Variants in CLCA2 observed in about 807,000 individuals in gnomAD.
CLCA2 encodes the protein calcium-activated chloride channel regulator 2.
CLCA2 carries 85 observed loss-of-function variants against 82.9 expected under a neutral mutation model. That is an observed-to-expected ratio of 1.03 (90% CI 0.86 to 1.23). CLCA2 has a LOEUF of 1.23. Ranked by LOEUF, CLCA2 falls within the 50% of genes most tolerant of loss-of-function variation. CLCA2 has a pLI of 0.00. For synonymous variants in CLCA2, 421 were observed against 391.7 expected, an observed-to-expected ratio of 1.07 and a Z score of -0.88; for missense variants, 1,089 against 1,124.8, an observed-to-expected ratio of 0.97 and a Z score of 0.45.
intron 10 of CLCA2, among the ~76,000 whole-genome samples, chr1:86,444,888 G>GTTGTTT (rs1360833349): frequency 6.6e-6 from 1 of 151,484 alleles, no homozygotes; most frequent in Non-Finnish European, 1.5e-5. Flanking sequence ...TTTTGTTGTT[G>GTTGTTT]TTGTTGTTGT....
chr1:86,445,776 T>TA (rs915071539), intron 10 of CLCA2, among the ~76,000 whole-genome samples: 3 of 152,078 alleles, frequency 2.0e-5, no homozygotes, highest in Admixed American at 6.5e-5. Context: ...TTTTAATTTA[T>TA]AAAAAAATGA....
rs768220234 is a variant in CLCA2, at chr1:86,453,603, G to T, written c.2389+1G>T. 3 of 1,612,640 alleles carry T rather than the reference G, an allele frequency of 1.9e-6. No homozygotes were observed. The highest frequency in any genetic ancestry group is 3.3e-5 in the Admixed American group (2 of 59,996). On this transcript the variant is annotated splice_donor_variant, in intron 13 of 13. Coordinates refer to ENST00000370565, the MANE Select transcript of CLCA2 (RefSeq NM_006536.7). LOFTEE classifies it high-confidence loss of function. ...GGAGAAGACTTTGATCAGGGCCAGGGTAGGTTTGCTCATTTCATTACCTAT... is the reference window on the plus strand; with the variant it reads ...GGAGAAGACTTTGATCAGGGCCAGGTTAGGTTTGCTCATTTCATTACCTAT...
intron 10 of CLCA2, among the ~76,000 whole-genome samples, chr1:86,446,679 A>C (rs986776822): frequency 6.6e-6 from 1 of 152,036 alleles, no homozygotes; most frequent in Non-Finnish European, 1.5e-5. Context: ...TTACGCTTCA[A>C]CCCCTTGCTT....
At chr1:86,439,315 T>C (rs915970927) in intron 7 of CLCA2, among the ~76,000 whole-genome samples, 5 of 152,228 alleles carry the variant, frequency 3.3e-5, no homozygotes, top group Non-Finnish European at 7.3e-5. Context: ...TAGCATACAA[T>C]AGTTGCTTAA....
chr1:86,440,189 GAT>G lies in CLCA2; in HGVS notation c.1248_1249del (p.Leu417SerfsTer6). ...LNGKAYGSVM[I>X]LVTSGDDKLL... Reference sequence around the variant, plus strand: ...ATGGAAAAGCTTATGGCTCTGTGATGATATTAGTGACCAGCGGAGATGATAAG... The same window carrying G: ...ATGGAAAAGCTTATGGCTCTGTGATGATTAGTGACCAGCGGAGATGATAAG... On this transcript the variant is annotated frameshift_variant, in exon 8 of 14. Transcript: ENST00000370565. LOFTEE classifies it high-confidence loss of function. 3 of 1,614,136 alleles carry G rather than the reference GAT, an allele frequency of 1.9e-6. No individual in the cohort carries two copies. Among genetic ancestry groups the G allele is most frequent in the Non-Finnish European group, 2.5e-6 (3 of 1,179,988 alleles).
At position 86,443,892 on chromosome 1, in the gene CLCA2, G is replaced by A. The variant is rs767287416; in HGVS notation, c.1594G>A (p.Ala532Thr). ...NDTMFLVTWQASGPPEIILFD... is the reference protein window; with the variant it reads ...NDTMFLVTWQTSGPPEIILFD... ...CACTATGTTTCTAGTTACGTGGCAG[G>A]CCAGTGGTCCTCCTGAGATTATATT... The change falls in exon 10 of 14, where the codon GCC (alanine) becomes ACC (threonine). Residue 532 changes from alanine (A) to threonine (T), a missense_variant. Coordinates refer to ENST00000370565, the MANE Select transcript of CLCA2 (RefSeq NM_006536.7). 1 of 1,613,632 alleles carries A rather than the reference G, an allele frequency of 6.2e-7. No homozygotes were observed. The highest frequency in any genetic ancestry group is 1.7e-5 in the Admixed American group (1 of 60,026).
chr1:86,433,382 C>T (rs1346905685), intron 5 of CLCA2, among the ~76,000 whole-genome samples: 1 of 152,178 alleles, frequency 6.6e-6, no homozygotes, highest in Admixed American at 6.5e-5. Flanking sequence ...CTGACCAATG[C>T]CCCTTGGATT....
intron 7 of CLCA2, 116 bp downstream of exon 7, chr1:86,439,222 C>A: frequency 1.2e-6 from 1 of 822,570 alleles, no homozygotes; most frequent in Non-Finnish European, 2.0e-6. Context: ...ACAGCCTCAA[C>A]TATGAAAGTA....
intron 2 of CLCA2, among the ~76,000 whole-genome samples, chr1:86,427,017 C>A (rs1042442492): frequency 1.8e-4 from 27 of 152,120 alleles, no homozygotes; most frequent in African/African-American, 6.5e-4. Context: ...AATTCTTTAA[C>A]CTCAGAATGT....
chr1:86,439,810 G>A (rs902509911), intron 7 of CLCA2, among the ~76,000 whole-genome samples: 3 of 151,970 alleles, frequency 2.0e-5, no homozygotes, highest in Non-Finnish European at 2.9e-5. Context: ...TGATTCTAAC[G>A]TGTAGCCAAG....
chr1:86,430,851 T>C lies in CLCA2; in HGVS notation c.476-11T>C. On this transcript the variant is annotated splice_polypyrimidine_tract_variant and intron_variant, in intron 3 of 13. Transcript: ENST00000370565. ...TTAGAAGCTCAAAAGCAAAAGTTCT[T>C]TCTTCCGCAGGCCGAGTGTTTGTCC... 5 of 1,610,094 alleles carry C rather than the reference T, an allele frequency of 3.1e-6. No individual in the cohort carries two copies. The highest frequency in any genetic ancestry group is 4.2e-6 in the Non-Finnish European group (5 of 1,177,798).
intron 10 of CLCA2, 60 bp downstream of exon 10, chr1:86,444,071 G>A: frequency 9.1e-7 from 1 of 1,101,964 alleles, no homozygotes; most frequent in Admixed American, 1.9e-5. Context: ...ATTTTCAGCT[G>A]AATCACATGA....
intron 8 of CLCA2, among the ~76,000 whole-genome samples, chr1:86,440,729 C>T (rs1662712899): frequency 6.6e-6 from 1 of 151,962 alleles, no homozygotes. Flanking sequence ...GGTAAAACCC[C>T]ACTTCTACTA....
At chr1:86,450,370 AGGTAAGAAATTACAG>A (rs1475450679) in intron 11 of CLCA2, among the ~76,000 whole-genome samples, 178 bp from the exon 12 acceptor site, 1 of 152,192 alleles carries the variant, frequency 6.6e-6, no homozygotes, top group African/African-American at 2.4e-5. Flanking sequence ...CATTTTACTG[AGGTAAGAAATTACAG>A]GGAGAAATTA....
Position 86,434,636 on chromosome 1 carries a change from G to A in CLCA2, c.863G>A (p.Ser288Asn). 6.2e-7 allele frequency: 1 copy of A among 1,614,038 alleles called. No individual in the cohort carries two copies. The highest frequency in any genetic ancestry group is 8.5e-7 in the Non-Finnish European group (1 of 1,179,950). The change falls in exon 6 of 14, where the codon AGC becomes AAC. Residue 288 changes from serine to asparagine, a missense_variant. Coordinates refer to ENST00000370565, the MANE Select transcript of CLCA2 (RefSeq NM_006536.7). ...ACAGACTCTGCTGACTTTCACCACA[G>A]CTTTCCCATGAATGGGACTGAGCTT... is the stretch of plus-strand genomic sequence containing the variant. ...VITDSADFHH[S>N]FPMNGTELPP...
Position 86,450,609 on chromosome 1 carries a change from C to G in CLCA2, c.2031C>G (p.Phe677Leu). The G allele has an allele frequency of 6.2e-7, 1 of 1,612,404 alleles. No individual in the cohort carries two copies. The highest frequency in any genetic ancestry group is 8.5e-7 in the Non-Finnish European group (1 of 1,179,162). Residue 677 changes from phenylalanine to leucine, a missense_variant, in exon 12 of 14, where the codon TTC becomes TTG. Phe to Leu is a conservative substitution (Grantham distance 22). Coordinates refer to ENST00000370565, the MANE Select transcript of CLCA2 (RefSeq NM_006536.7). ...ATGGAATTTACTCGAGGTATTTTTT[C>G]TCCTTTGCTGCAAATGGTAGATATA... The part of the protein sequence containing the change: ...KNDGIYSRYF[F>L]SFAANGRYSL...
intron 8 of CLCA2, 99 bp downstream of exon 8, chr1:86,440,424 A>G (rs1662704337): frequency 8.9e-7 from 1 of 1,127,770 alleles, no homozygotes; most frequent in Non-Finnish European, 1.2e-6. Flanking sequence ...AATTGAAAAT[A>G]CAGAAATTGT....
intron 11 of CLCA2, chr1:86,448,027 C>A: frequency 2.0e-6 from 1 of 499,156 alleles, no homozygotes; most frequent in Non-Finnish European, 3.6e-6. Flanking sequence ...AGCCGCTGGA[C>A]ACCTTGGTCC....
At chr1:86,440,095 A>G in intron 7 of CLCA2, 53 bp from the exon 8 acceptor site, 2 of 1,567,634 alleles carry the variant, frequency 1.3e-6, no homozygotes, top group African/African-American at 1.4e-5. Context: ...CTTTTGCTCA[A>G]TAAAACAATT....
Sources: gnomAD v4.1 joint callset for allele counts (sites outside exome capture counted in the v4.1 genomes callset) on GRCh38, gnomAD v4.1.1 for gene constraint, MANE v1.5 for transcripts, NCBI Gene and HGNC (gene_info 2026-07-23, HGNC 2026-07-21) for gene names.